The following TNR variants were observed in gnomAD, a reference collection of about 807,000 sequenced individuals.
TNR encodes tenascin-R.
TNR carries 45 observed loss-of-function variants against 150.4 expected under a neutral mutation model. The ratio of observed to expected loss-of-function variants is 0.30; its 90% confidence interval spans 0.24 to 0.38. The LOEUF is 0.38. Among genes scored for constraint, TNR ranks in the 10% least tolerant of loss-of-function variants. The pLI is 1.00. For missense variants in TNR, 1,544 were observed against 1,759.1 expected, an observed-to-expected ratio of 0.88 and a Z score of 2.19; for synonymous variants, 687 against 678.4, an observed-to-expected ratio of 1.01 and a Z score of -0.20.
At chr1:175,602,114 G>A (rs545854740) in intron 1 of TNR, among the ~76,000 whole-genome samples, 22 of 130,856 alleles carry the variant, frequency 1.7e-4, no homozygotes, top group African/African-American at 5.7e-4. Flanking sequence ...GCTTTAAATT[G>A]ATAATATAAA....
In TNR at chr1:175,682,227, A is replaced by T. The variant is rs1388131232; in HGVS notation, c.-165+60999T>A. On this transcript the variant is annotated intron_variant, in intron 1 of 22. Transcript: ENST00000367674. ...ACAATGTATTAATTACTAACTGACT[A>T]TGCTCACTTGTGGTCATGGATATTA... is the stretch of plus-strand genomic sequence containing the variant. Among the ~76,000 whole-genome samples the T allele has an allele frequency of 2.6e-5, 4 of 152,304 alleles. No homozygotes were observed. In the East Asian group the frequency reaches 7.7e-4, roughly 29 times the overall value.
At chr1:175,671,278 T>G (rs1010147778) in intron 1 of TNR, among the ~76,000 whole-genome samples, 2 of 152,218 alleles carry the variant, frequency 1.3e-5, no homozygotes, top group African/African-American at 4.8e-5. Flanking sequence ...ACTCCTCCTT[T>G]ATGCTCAGTT....
intron 2 of TNR, among the ~76,000 whole-genome samples, chr1:175,488,207 A>G (rs1658095454): frequency 6.6e-6 from 1 of 152,230 alleles, no homozygotes; most frequent in Non-Finnish European, 1.5e-5. Context: ...CCCCGGAAAC[A>G]TGCACTGCAT....
intron 1 of TNR, among the ~76,000 whole-genome samples, chr1:175,621,517 A>T (rs1663976775): frequency 6.6e-6 from 1 of 152,164 alleles, no homozygotes; most frequent in South Asian, 2.1e-4. Context: ...TATCTAAATT[A>T]TACTCCACTT....
chr1:175,458,259 T>A (rs1181876665), intron 2 of TNR, among the ~76,000 whole-genome samples: 1 of 152,218 alleles, frequency 6.6e-6, no homozygotes, highest in Non-Finnish European at 1.5e-5. Context: ...ATGATTACTG[T>A]GTAAACCATT....
chr1:175,343,948 A>G (rs572306370), intron 18 of TNR, among the ~76,000 whole-genome samples: 1 of 152,310 alleles, frequency 6.6e-6, no homozygotes, highest in South Asian at 2.1e-4. Flanking sequence ...GGCGTTTTTG[A>G]ACAACGAATT....
At chr1:175,568,527 C>T (rs1661733899) in intron 1 of TNR, among the ~76,000 whole-genome samples, 2 of 152,162 alleles carry the variant, frequency 1.3e-5, no homozygotes, top group Admixed American at 1.3e-4. Flanking sequence ...TCCTTTGCAC[C>T]TCTTGTCTGC....
chr1:175,361,414 A>G (rs1407309246), intron 14 of TNR, among the ~76,000 whole-genome samples: 1 of 152,172 alleles, frequency 6.6e-6, no homozygotes, highest in East Asian at 1.9e-4. Context: ...ACACTTGTTG[A>G]TATTTTAATG....
intron 2 of TNR, among the ~76,000 whole-genome samples, chr1:175,459,916 CAG>C (rs1340212389): frequency 2.0e-5 from 3 of 152,036 alleles, no homozygotes; most frequent in Admixed American, 2.0e-4. Flanking sequence ...ATTCCTACTG[CAG>C]AGAGTTCATT....
At chr1:175,626,851 A>G (rs1346276771) in intron 1 of TNR, among the ~76,000 whole-genome samples, 1 of 152,214 alleles carries the variant, frequency 6.6e-6, no homozygotes, top group Non-Finnish European at 1.5e-5. Context: ...ATCCAGGTGA[A>G]GCCTCAATCT....
At chr1:175,606,321 G>A (rs1263383298) in intron 1 of TNR, among the ~76,000 whole-genome samples, 1 of 152,080 alleles carries the variant, frequency 6.6e-6, no homozygotes, top group Non-Finnish European at 1.5e-5. Flanking sequence ...GACAGATGCT[G>A]GGCCTCAAAG....
At chr1:175,646,345 T>C (rs1664808274) in intron 1 of TNR, among the ~76,000 whole-genome samples, 1 of 152,206 alleles carries the variant, frequency 6.6e-6, no homozygotes, top group African/African-American at 2.4e-5. Context: ...TGGCATTATG[T>C]GTGGGCAGAG....
chr1:175,432,249 T>G (rs1280626033), intron 2 of TNR, among the ~76,000 whole-genome samples: 1 of 152,110 alleles, frequency 6.6e-6, no homozygotes, highest in Non-Finnish European at 1.5e-5. Context: ...AATTGTCTGG[T>G]GAAAGCTGAT....
At chr1:175,665,485 G>C (rs1665510203) in intron 1 of TNR, among the ~76,000 whole-genome samples, 1 of 152,170 alleles carries the variant, frequency 6.6e-6, no homozygotes. Flanking sequence ...ATCCTGGAGG[G>C]TCCATCAGAG....
chr1:175,664,768 A>G (rs1378762666), intron 1 of TNR, among the ~76,000 whole-genome samples: 1 of 152,248 alleles, frequency 6.6e-6, no homozygotes, highest in East Asian at 1.9e-4. Flanking sequence ...CTCAAAATCC[A>G]ACTTGGTAAA....
At chr1:175,355,761 G>T in intron 16 of TNR, 128 bp from the exon 17 acceptor site, 1 of 1,316,874 alleles carries the variant, frequency 7.6e-7, no homozygotes, top group Non-Finnish European at 1.0e-6. Flanking sequence ...CCCCTGCTCT[G>T]GCTTGGAAAG....
At chr1:175,459,442 G>C (rs1158136476) in intron 2 of TNR, among the ~76,000 whole-genome samples, 1 of 152,204 alleles carries the variant, frequency 6.6e-6, no homozygotes, top group Non-Finnish European at 1.5e-5. Context: ...ATGAGTAAGA[G>C]ATTTATTTCT....
chr1:175,483,778 C>A (rs561676609), intron 2 of TNR, among the ~76,000 whole-genome samples: 11 of 152,322 alleles, frequency 7.2e-5, no homozygotes, highest in African/African-American at 2.4e-4. Flanking sequence ...GTTTGAGTTG[C>A]AGTCCAGGCT....
rs372573616 is a variant in TNR at position 175,633,967 on chromosome 1, CTT to C, written c.-164-105600_-164-105599del. Among the ~76,000 whole-genome samples the C allele has an allele frequency of 1.2e-4, 18 of 152,052 alleles. No homozygotes were observed. In the East Asian group the frequency reaches 3.3e-3, roughly 28 times the overall value. ...TTACTAGATGAGTAGACTTCCCTGA[CTT>C]TGCTTTTTTCTTTCGTAGGACTGGG... On this transcript the variant is annotated intron_variant, in intron 1 of 22. Transcript: ENST00000367674.
Sources: allele counts gnomAD v4.1 joint callset (sites outside exome capture counted in the v4.1 genomes callset), GRCh38; gene constraint gnomAD v4.1.1; transcripts MANE v1.5; gene names NCBI Gene and HGNC (gene_info 2026-07-23, HGNC 2026-07-21).